PHF21A: variants seen among roughly 807,000 people sequenced by gnomAD.
PHF21A encodes PHD finger protein 21A, also known as BHC80a.
Under a neutral mutation model 82.5 loss-of-function variants are expected in PHF21A, and 11 were observed. That is an observed-to-expected ratio of 0.13 (90% confidence interval 0.08 to 0.22). PHF21A has a LOEUF of 0.22. PHF21A is among the 10% of genes least tolerant of loss of function. The pLI, the probability that PHF21A is intolerant of heterozygous loss-of-function variation, is 1.00. For missense variants in PHF21A, 579 were observed against 837.8 expected (o/e 0.69, Z 3.81); for synonymous variants, 297 against 302.8 (o/e 0.98, Z 0.20).
At chr11:46,088,360 C>T (rs752557278) in intron 3 of PHF21A, among the ~76,000 whole-genome samples, 50 of 152,038 alleles carry the variant, frequency 3.3e-4, no homozygotes, top group Non-Finnish European at 5.7e-4. Flanking sequence ...ATCTTCCAAA[C>T]GGTACATGTC....
intron 7 of PHF21A, among the ~76,000 whole-genome samples, chr11:45,973,822 T>C (rs2093893682): frequency 6.6e-6 from 1 of 152,206 alleles, no homozygotes; most frequent in Non-Finnish European, 1.5e-5. Flanking sequence ...TCGTGGATTG[T>C]GGGAGTAAAG....
chr11:45,940,769 T>C (rs937515603), intron 15 of PHF21A, among the ~76,000 whole-genome samples: 1 of 152,200 alleles, frequency 6.6e-6, no homozygotes, highest in African/African-American at 2.4e-5. Flanking sequence ...TGTGTGATTT[T>C]AGAGACTGTT....
At chr11:46,049,099 G>C (rs574459424) in intron 6 of PHF21A, among the ~76,000 whole-genome samples, 34 of 152,332 alleles carry the variant, frequency 2.2e-4, no homozygotes, top group African/African-American at 7.9e-4. Flanking sequence ...TTTTAGAAAG[G>C]AGAGATTATC....
At chr11:46,055,758 T>A (rs745881806) in intron 6 of PHF21A, among the ~76,000 whole-genome samples, 5 of 152,168 alleles carry the variant, frequency 3.3e-5, no homozygotes, top group Non-Finnish European at 4.4e-5. Context: ...CTTTAAGGCA[T>A]TTATAAGTTA....
chr11:46,047,740 A>G (rs2096277688), intron 6 of PHF21A, among the ~76,000 whole-genome samples: 1 of 152,218 alleles, frequency 6.6e-6, no homozygotes, highest in Admixed American at 6.5e-5. Flanking sequence ...TGTAAGCTTA[A>G]GAGAAGTCAC....
intron 2 of PHF21A, among the ~76,000 whole-genome samples, chr11:46,091,477 T>C (rs544652953): frequency 1.5e-3 from 226 of 152,288 alleles, no homozygotes; most frequent in Non-Finnish European, 2.6e-3. Flanking sequence ...CACAATTACA[T>C]TTCTCTCTCT....
At chr11:46,079,983 G>A (rs1360639710) in intron 4 of PHF21A, among the ~76,000 whole-genome samples, 1 of 152,096 alleles carries the variant, frequency 6.6e-6, no homozygotes, top group Non-Finnish European at 1.5e-5. Context: ...ACCATAGACA[G>A]AAGAATATGA....
At chr11:46,021,105 G>A (rs2095622020) in intron 6 of PHF21A, among the ~76,000 whole-genome samples, 1 of 151,954 alleles carries the variant, frequency 6.6e-6, no homozygotes, top group Non-Finnish European at 1.5e-5. Flanking sequence ...TACCACTCAG[G>A]TGGGAGTGCA....
intron 6 of PHF21A, among the ~76,000 whole-genome samples, chr11:46,020,399 GT>G (rs1479895762): frequency 6.6e-6 from 1 of 152,100 alleles, no homozygotes; most frequent in East Asian, 1.9e-4. Context: ...CTCTGACACT[GT>G]TCGATGGGTC....
At chr11:45,943,849 A>T (rs1328941261) in intron 15 of PHF21A, among the ~76,000 whole-genome samples, 1 of 152,172 alleles carries the variant, frequency 6.6e-6, no homozygotes, top group Non-Finnish European at 1.5e-5. Context: ...ATGCCCTGAT[A>T]ATGACCCATC....
At chr11:46,001,407 C>T (rs570125052) in intron 6 of PHF21A, among the ~76,000 whole-genome samples, 1 of 151,376 alleles carries the variant, frequency 6.6e-6, no homozygotes, top group East Asian at 1.9e-4. Context: ...TTAGCCAATG[C>T]ACCTGTAGAT....
At chr11:46,039,707 G>T (rs1459041331) in intron 6 of PHF21A, among the ~76,000 whole-genome samples, 1 of 152,096 alleles carries the variant, frequency 6.6e-6, no homozygotes, top group African/African-American at 2.4e-5. Flanking sequence ...CAGTAGTAAA[G>T]ACAAAAGGTC....
chr11:46,038,622 C>T (rs1420225755), intron 6 of PHF21A, among the ~76,000 whole-genome samples: 1 of 152,010 alleles, frequency 6.6e-6, no homozygotes, highest in Admixed American at 6.6e-5. Context: ...GCTGAGAAGT[C>T]CAAGGTGGAG....
chr11:45,962,899 G>C (rs1015826774), intron 10 of PHF21A, among the ~76,000 whole-genome samples: 1 of 151,220 alleles, frequency 6.6e-6, no homozygotes, highest in African/African-American at 2.4e-5. Flanking sequence ...TCTCAAAAAA[G>C]AGAAGAGAGA....
intron 10 of PHF21A, among the ~76,000 whole-genome samples, chr11:45,958,993 A>G (rs1242953696): frequency 6.6e-6 from 1 of 152,176 alleles, no homozygotes; most frequent in Non-Finnish European, 1.5e-5. Flanking sequence ...AACCCTCAAC[A>G]ACAACAAAAA....
chr11:46,056,950 C>G (rs1320108330), intron 6 of PHF21A, among the ~76,000 whole-genome samples: 2 of 151,590 alleles, frequency 1.3e-5, no homozygotes, highest in Non-Finnish European at 2.9e-5. Context: ...AATCAAGTAC[C>G]TCAGCTTAAA....
intron 18 of PHF21A, chr11:45,935,285 C>T: frequency 1.5e-6 from 2 of 1,311,944 alleles, no homozygotes; most frequent in African/African-American, 3.0e-5. Flanking sequence ...TCTGTGTCTG[C>T]TCAGTGTCAG....
chr11:46,045,672 T>C (rs2096245789), intron 6 of PHF21A, among the ~76,000 whole-genome samples: 1 of 152,158 alleles, frequency 6.6e-6, no homozygotes, highest in Admixed American at 6.5e-5. Flanking sequence ...TTTAGTTAAA[T>C]GAAAAAGAGA....
chr11:45,977,367 C>T (rs1177564825), intron 7 of PHF21A, among the ~76,000 whole-genome samples: 1 of 151,996 alleles, frequency 6.6e-6, no homozygotes, highest in Non-Finnish European at 1.5e-5. Context: ...AAACTCCTGA[C>T]CTAAAGTGAT....
Sources: allele counts gnomAD v4.1 joint callset (sites outside exome capture counted in the v4.1 genomes callset), GRCh38; gene constraint gnomAD v4.1.1; transcripts MANE v1.5; gene names NCBI Gene and HGNC (gene_info 2026-07-23, HGNC 2026-07-21).